The following RYR2 variants were observed in gnomAD, a reference collection of about 807,000 sequenced individuals.
RYR2 encodes the protein ryanodine receptor 2.
RYR2 carries 227 observed loss-of-function variants against 601.1 expected under a neutral mutation model. The ratio of observed to expected loss-of-function variants is 0.38; its 90% CI spans 0.34 to 0.42. RYR2 has a LOEUF of 0.42. Among genes scored for constraint, RYR2 ranks in the 10% least tolerant of loss-of-function variants. RYR2 has a pLI of 1.00. For missense variants in RYR2, 4,646 were observed against 6,156.5 expected (o/e 0.75, Z 8.21); for synonymous variants, 2,223 against 2,175.1 (o/e 1.02, Z -0.61).
At chr1:237,624,742 C>A (rs60438889) in intron 39 of RYR2, among the ~76,000 whole-genome samples, 3 of 152,082 alleles carry the variant, frequency 2.0e-5, no homozygotes, top group African/African-American at 7.2e-5. Flanking sequence ...GTATTCTGGA[C>A]GTGTGTGTGT....
At chr1:237,631,255 A>C (rs1680217550) in intron 41 of RYR2, among the ~76,000 whole-genome samples, 172 bp from the exon 42 acceptor site, 1 of 152,158 alleles carries the variant, frequency 6.6e-6, no homozygotes, top group Non-Finnish European at 1.5e-5. Flanking sequence ...GTAAATTATC[A>C]ATATTTTTGA....
intron 38 of RYR2, among the ~76,000 whole-genome samples, chr1:237,618,648 C>T (rs556971948): frequency 6.6e-6 from 1 of 152,264 alleles, no homozygotes; most frequent in East Asian, 1.9e-4. Context: ...CTTAGCAAGA[C>T]AGAAATGTGT....
chr1:237,659,653 G>A (rs1683584313), intron 54 of RYR2, among the ~76,000 whole-genome samples: 1 of 152,122 alleles, frequency 6.6e-6, no homozygotes, highest in Non-Finnish European at 1.5e-5. Flanking sequence ...ATGCTTATTG[G>A]CACAATTATA....
At chr1:237,538,125 T>C (rs1668839491) in intron 25 of RYR2, among the ~76,000 whole-genome samples, 1 of 151,990 alleles carries the variant, frequency 6.6e-6, no homozygotes, top group Non-Finnish European at 1.5e-5. Context: ...AGCAGTGGCT[T>C]ACGCCTGTAA....
At chr1:237,466,769 C>G (rs950377588) in intron 16 of RYR2, among the ~76,000 whole-genome samples, 2 of 151,626 alleles carry the variant, frequency 1.3e-5, no homozygotes, top group Non-Finnish European at 2.9e-5. Context: ...CACTTTTGGC[C>G]ATTTACCATT....
intron 29 of RYR2, among the ~76,000 whole-genome samples, chr1:237,577,565 AG>A (rs1673405509): frequency 6.6e-6 from 1 of 150,778 alleles, no homozygotes; most frequent in South Asian, 2.1e-4. Flanking sequence ...AGAGAGAGAG[AG>A]AAAGAGAGAG....
chr1:237,606,425 G>C (rs1157135314), intron 35 of RYR2, among the ~76,000 whole-genome samples: 2 of 152,172 alleles, frequency 1.3e-5, no homozygotes, highest in African/African-American at 4.8e-5. Context: ...ATCCAAGGTG[G>C]ATTAAAGACT....
intron 7 of RYR2, among the ~76,000 whole-genome samples, chr1:237,376,420 A>G (rs981500092): frequency 2.6e-5 from 4 of 152,120 alleles, no homozygotes; most frequent in African/African-American, 9.7e-5. Flanking sequence ...ACCAAGTCCC[A>G]CTGTTAGGGA....
At chr1:237,458,290 G>C (rs1013486130) in intron 16 of RYR2, among the ~76,000 whole-genome samples, 6 of 152,056 alleles carry the variant, frequency 3.9e-5, no homozygotes, top group African/African-American at 1.4e-4. Context: ...TTAGCCGAGC[G>C]TGGTGGCGGG....
At chr1:237,595,459 G>A (rs1445907482) in intron 33 of RYR2, 39 bp from the exon 34 acceptor site, 1 of 1,595,696 alleles carries the variant, frequency 6.3e-7, no homozygotes, top group South Asian at 1.2e-5. Flanking sequence ...TCTTTTATCT[G>A]TGGTTGTACA....
At chr1:237,706,060 C>T (rs1688347806) in intron 67 of RYR2, among the ~76,000 whole-genome samples, 2 of 152,090 alleles carry the variant, frequency 1.3e-5, no homozygotes, top group Non-Finnish European at 2.9e-5. Context: ...ACCAGCCTGA[C>T]CAACATAGTG....
intron 1 of RYR2, among the ~76,000 whole-genome samples, chr1:237,117,712 CTTCTCTT>C (rs1246036683): frequency 1.4e-5 from 2 of 139,338 alleles, no homozygotes; most frequent in African/African-American, 5.7e-5. Context: ...CTTCTCTTCT[CTTCTCTT>C]CTCTTCTCTT....
At chr1:237,570,554 G>T (rs1385939339) in intron 29 of RYR2, among the ~76,000 whole-genome samples, 1 of 151,856 alleles carries the variant, frequency 6.6e-6, no homozygotes, top group East Asian at 2.0e-4. Context: ...GGCCAGGCTG[G>T]TCTCGAATTG....
chr1:237,383,190 T>C (rs1701677621), intron 8 of RYR2, among the ~76,000 whole-genome samples: 1 of 151,974 alleles, frequency 6.6e-6, no homozygotes, highest in Non-Finnish European at 1.5e-5. Flanking sequence ...GTGCATAAAA[T>C]AAATACGTAG....
chr1:237,239,385 C>A (rs1241981824), intron 1 of RYR2, among the ~76,000 whole-genome samples: 1 of 152,088 alleles, frequency 6.6e-6, no homozygotes, highest in African/African-American at 2.4e-5. Context: ...TGGTGAAATG[C>A]ACGGGGTTTT....
intron 3 of RYR2, among the ~76,000 whole-genome samples, chr1:237,339,589 T>G (rs1173935118): frequency 6.6e-6 from 1 of 152,158 alleles, no homozygotes; most frequent in Non-Finnish European, 1.5e-5. Flanking sequence ...TACTGTCTTG[T>G]CATCTTTTAC....
At chr1:237,168,145 A>G (rs1049416235) in intron 1 of RYR2, among the ~76,000 whole-genome samples, 7 of 152,188 alleles carry the variant, frequency 4.6e-5, no homozygotes, top group African/African-American at 1.7e-4. Flanking sequence ...GTGGCACACA[A>G]TTCATCTGTA....
intron 1 of RYR2, among the ~76,000 whole-genome samples, chr1:237,136,637 A>T (rs1349252512): frequency 1.3e-5 from 2 of 152,146 alleles, no homozygotes; most frequent in Admixed American, 6.5e-5. Context: ...AAGAGGGAGA[A>T]GGTTTTCCTG....
intron 3 of RYR2, among the ~76,000 whole-genome samples, chr1:237,348,625 T>A (rs1472573934): frequency 6.6e-6 from 1 of 152,182 alleles, no homozygotes; most frequent in Non-Finnish European, 1.5e-5. Context: ...CGTAGGTACA[T>A]CTTTTCTGGA....
Sources: gnomAD v4.1 joint callset for allele counts (sites outside exome capture counted in the v4.1 genomes callset) on GRCh38, gnomAD v4.1.1 for gene constraint, MANE v1.5 for transcripts, NCBI Gene and HGNC (gene_info 2026-07-23, HGNC 2026-07-21) for gene names.